Variants in TMEM182 observed in about 807,000 individuals in gnomAD.
TMEM182 encodes the protein transmembrane protein 182.
In TMEM182, 20 loss-of-function variants were observed where a neutral mutation model predicts 26.8. The observed-to-expected ratio is 0.75, with a 90% CI of 0.53 to 1.09. TMEM182 has a LOEUF of 1.09. Among genes scored for constraint, TMEM182 ranks in the 50% least tolerant of loss-of-function variants. The pLI is 0.00. For synonymous variants in TMEM182, 109 were observed against 102.2 expected (o/e 1.07, Z -0.40); for missense variants, 277 against 275.5 (o/e 1.01, Z -0.04).
At chr2:102,762,516 T>C in intron 1 of TMEM182, 71 bp from the exon 2 acceptor site, 1 of 1,554,532 alleles carries the variant, frequency 6.4e-7, no homozygotes. Context: ...TCCTTAAAAA[T>C]TTACTGGCTG....
intron 1 of TMEM182, among the ~76,000 whole-genome samples, chr2:102,742,468 C>T (rs1232456146): frequency 6.6e-6 from 1 of 152,140 alleles, no homozygotes; most frequent in Non-Finnish European, 1.5e-5. Flanking sequence ...CTCTGGTATT[C>T]TTTTGGAATA....
upstream of TMEM182, among the ~76,000 whole-genome samples, chr2:102,761,389 A>G (rs1312846682): frequency 7.2e-5 from 11 of 152,210 alleles, no homozygotes; most frequent in Non-Finnish European, 7.3e-5. Context: ...TCATCAGTCC[A>G]CTTTGGGGAT....
At chr2:102,781,022 T>A (rs1283591190) in intron 3 of TMEM182, among the ~76,000 whole-genome samples, 3 of 152,232 alleles carry the variant, frequency 2.0e-5, no homozygotes, top group Non-Finnish European at 4.4e-5. Flanking sequence ...TGCTGTTCCT[T>A]GGGTCTCAAA....
At chr2:102,777,240 A>G (rs1680957037) in intron 3 of TMEM182, among the ~76,000 whole-genome samples, 1 of 151,900 alleles carries the variant, frequency 6.6e-6, no homozygotes, top group African/African-American at 2.4e-5. Context: ...GATTCCCTAG[A>G]GTTTCCCTTA....
At chr2:102,741,393 C>T (rs954567824) in intron 1 of TMEM182, among the ~76,000 whole-genome samples, 18 of 152,026 alleles carry the variant, frequency 1.2e-4, no homozygotes, top group Admixed American at 2.6e-4. Flanking sequence ...AGAAAAATTC[C>T]GTCAGGTTCC....
intron 1 of TMEM182, among the ~76,000 whole-genome samples, chr2:102,742,902 A>G (rs1193352250): frequency 6.6e-6 from 1 of 152,196 alleles, no homozygotes; most frequent in East Asian, 1.9e-4. Flanking sequence ...TCCATTAGCC[A>G]TGCCTTTCAA....
chr2:102,780,874 C>G (rs1025341878), intron 3 of TMEM182, among the ~76,000 whole-genome samples: 1 of 152,168 alleles, frequency 6.6e-6, no homozygotes, highest in Non-Finnish European at 1.5e-5. Context: ...GCATGCTATC[C>G]TTTACCTGGT....
intron 1 of TMEM182, among the ~76,000 whole-genome samples, chr2:102,755,361 A>G (rs1679999937): frequency 6.6e-6 from 1 of 152,206 alleles, no homozygotes; most frequent in South Asian, 2.1e-4. Flanking sequence ...AAACACATGC[A>G]AAAATGTGAG....
intron 4 of TMEM182, among the ~76,000 whole-genome samples, chr2:102,812,924 A>C (rs559688669): frequency 6.0e-4 from 92 of 152,334 alleles, no homozygotes; most frequent in African/African-American, 2.1e-3. Flanking sequence ...AAATGCACAG[A>C]GTTGCTAGAC....
intron 4 of TMEM182, among the ~76,000 whole-genome samples, chr2:102,800,794 AGTTT>A (rs1456904654): frequency 8.2e-6 from 1 of 121,746 alleles, no homozygotes; most frequent in Non-Finnish European, 1.7e-5. Flanking sequence ...GGTTTTGGAC[AGTTT>A]GTGTGTGTGT....
At chr2:102,791,211 C>T (rs1681620609) in intron 3 of TMEM182, among the ~76,000 whole-genome samples, 1 of 152,174 alleles carries the variant, frequency 6.6e-6, no homozygotes, top group African/African-American at 2.4e-5. Context: ...GCTGGGATTA[C>T]AGGCATGAGC....
chr2:102,816,978 C>G lies in TMEM182; in HGVS notation c.*2010C>G. 1.0e-6 allele frequency: 1 copy of G among 985,730 alleles called. No homozygotes were observed. The allele number at this position is 985,730 out of a possible 1,614,324, so 61.1% of individuals were successfully genotyped here. ...CATATATTTTTTATATGACAATTGG[C>G]TGAATAGCTGATGTGTATGACACTT... is the stretch of plus-strand genomic sequence containing the variant. On this transcript the variant is annotated 3_prime_UTR_variant, in exon 5 of 5. Coordinates refer to ENST00000412401, the MANE Select transcript of TMEM182 (RefSeq NM_144632.5).
chr2:102,795,672 A>C (rs1052081478), intron 3 of TMEM182, among the ~76,000 whole-genome samples: 3 of 152,066 alleles, frequency 2.0e-5, no homozygotes, highest in African/African-American at 7.2e-5. Context: ...TGCATGTGCA[A>C]CTTGGGGGTG....
chr2:102,749,210 A>T (rs1259672614), intron 1 of TMEM182, among the ~76,000 whole-genome samples: 1 of 152,162 alleles, frequency 6.6e-6, no homozygotes, highest in Non-Finnish European at 1.5e-5. Flanking sequence ...TAATATTAGT[A>T]GCATATAAAA....
intron 3 of TMEM182, among the ~76,000 whole-genome samples, chr2:102,792,119 G>T (rs1188050667): frequency 6.6e-6 from 1 of 150,866 alleles, no homozygotes; most frequent in Admixed American, 6.6e-5. Flanking sequence ...GTTAATATAT[G>T]TGTGTGTGTG....
chr2:102,823,296 C>T (rs763485994), intron 3 of TMEM182, among the ~76,000 whole-genome samples: 29 of 152,110 alleles, frequency 1.9e-4, no homozygotes, highest in Admixed American at 2.0e-4. Flanking sequence ...ATTTCAATAG[C>T]ATGTTTTCAA....
At chr2:102,748,620 G>A (rs1270741526) in intron 1 of TMEM182, among the ~76,000 whole-genome samples, 2 of 152,150 alleles carry the variant, frequency 1.3e-5, no homozygotes, top group Non-Finnish European at 2.9e-5. Flanking sequence ...GTCCTTAATT[G>A]CATTTCACCT....
At position 102,815,923 on chromosome 2, in the gene TMEM182, C is replaced by T; in HGVS notation, c.*955C>T. Reference sequence around the variant, plus strand: ...TATAATAGCCCTGCTTTATTAAAGACCATAAAATATTAACTTTCCCCAAGA... The same window carrying T: ...TATAATAGCCCTGCTTTATTAAAGATCATAAAATATTAACTTTCCCCAAGA... On this transcript the variant is annotated 3_prime_UTR_variant, in exon 5 of 5. Transcript: ENST00000412401. The T allele has an allele frequency of 2.1e-6, 2 of 971,032 alleles. No individual in the cohort carries two copies. The highest frequency in any genetic ancestry group is 2.4e-6 in the Non-Finnish European group (2 of 817,004). The allele number at this position is 971,032 out of a possible 1,614,324, so 60.2% of individuals were successfully genotyped here.
chr2:102,793,940 C>T (rs1275026639), intron 3 of TMEM182, among the ~76,000 whole-genome samples: 1 of 152,130 alleles, frequency 6.6e-6, no homozygotes, highest in Non-Finnish European at 1.5e-5. Context: ...CATGGTGGCT[C>T]ATGCCTATAA....
Sources: gnomAD v4.1 joint callset for allele counts (sites outside exome capture counted in the v4.1 genomes callset) on GRCh38, gnomAD v4.1.1 for gene constraint, MANE v1.5 for transcripts, NCBI Gene and HGNC (gene_info 2026-07-23, HGNC 2026-07-21) for gene names.